ANXA2: variants seen among roughly 807,000 people sequenced by gnomAD.
ANXA2 encodes annexin A2.
ANXA2 carries 28 observed loss-of-function variants against 47.3 expected under a neutral mutation model. The ratio of observed to expected loss-of-function variants is 0.59; its 90% CI spans 0.44 to 0.81. ANXA2 has a LOEUF of 0.81. ANXA2 is among the 40% of genes least tolerant of loss of function. The pLI is 0.00. For synonymous variants in ANXA2, 172 were observed against 155.5 expected (o/e 1.11, Z -0.79); for missense variants, 384 against 414.3 (o/e 0.93, Z 0.64).
Position 60,352,655 on chromosome 15 carries a change from T to C in ANXA2, c.589-179A>G, listed in dbSNP as rs2062367449. Among the ~76,000 whole-genome samples, 1 of 152,184 alleles carries C rather than the reference T, an allele frequency of 6.6e-6. No individual in the cohort carries two copies. Among genetic ancestry groups the C allele is most frequent in the Admixed American group, 6.5e-5 (1 of 15,278 alleles). ...GGTCAAAAGTCTTAATCACAAGCAG[T>C]CTTCCTTAGGCACAGATGGATACCA... On this transcript the variant is annotated intron_variant, in intron 8 of 12. Transcript: ENST00000451270. This position sits in a 1 kb window ranked among gnomAD's most constrained non-coding sequence, Gnocchi z 4.2.
intron 3 of ANXA2, among the ~76,000 whole-genome samples, chr15:60,380,648 C>G (rs2062844517): frequency 6.6e-6 from 1 of 151,224 alleles, no homozygotes; most frequent in Non-Finnish European, 1.5e-5. Flanking sequence ...CTACTAAAAA[C>G]AGAAAATTAG....
At chr15:60,366,943 C>T (rs1595681484) in intron 3 of ANXA2, among the ~76,000 whole-genome samples, 1 of 56,784 alleles carries the variant, frequency 1.8e-5, no homozygotes, top group Admixed American at 2.0e-4. Context: ...ACCCCTCTGC[C>T]CGGCCAGCCG....
intron 3 of ANXA2, among the ~76,000 whole-genome samples, chr15:60,367,320 C>A (rs1197311430): frequency 3.2e-5 from 4 of 124,728 alleles, no homozygotes; most frequent in African/African-American, 1.2e-4. Context: ...GTGAGGGGCG[C>A]CTCTGCCCGG....
intron 10 of ANXA2, 140 bp downstream of exon 10, chr15:60,351,584 A>G (rs1425158135): frequency 3.0e-6 from 2 of 670,588 alleles, no homozygotes; most frequent in Non-Finnish European, 5.3e-6. Flanking sequence ...TCTGAAATCT[A>G]TACAATTAAG....
chr15:60,393,694 A>T, intron 1 of ANXA2: 1 of 985,238 alleles, frequency 1.0e-6, no homozygotes, highest in Non-Finnish European at 1.2e-6. Context: ...CCTTTCTCAC[A>T]CACCCCTCCT....
chr15:60,351,678 C>T (rs776498936), intron 10 of ANXA2, 46 bp downstream of exon 10: 9 of 1,268,560 alleles, frequency 7.1e-6, no homozygotes, highest in Non-Finnish European at 8.1e-6. Context: ...GTCACTTCTG[C>T]TCTGGTAGCT....
intron 3 of ANXA2, among the ~76,000 whole-genome samples, chr15:60,381,137 C>T (rs1412805514): frequency 1.3e-5 from 2 of 152,108 alleles, no homozygotes; most frequent in Non-Finnish European, 2.9e-5. Flanking sequence ...CAGGCATAAA[C>T]CAGGACGTCA....
At chr15:60,381,790 T>TA (rs1294679202) in intron 3 of ANXA2, among the ~76,000 whole-genome samples, 4 of 151,916 alleles carry the variant, frequency 2.6e-5, no homozygotes, top group African/African-American at 7.3e-5. Flanking sequence ...CAAATGTAAT[T>TA]AAATTAAAGG....
chr15:60,397,325 T>C (rs1338989813), intron 1 of ANXA2: 2 of 985,546 alleles, frequency 2.0e-6, no homozygotes, highest in African/African-American at 1.7e-5. Context: ...GAAGTTGCTA[T>C]GCTACAAGAT....
intron 4 of ANXA2, chr15:60,363,034 A>AC (rs1157636212): frequency 3.3e-5 from 1 of 30,556 alleles, no homozygotes; most frequent in African/African-American, 1.5e-4. Context: ...TGTCACAAAA[A>AC]AAAAAAAAAA....
chr15:60,397,558 G>C (rs1031564428), intron 1 of ANXA2, among the ~76,000 whole-genome samples: 1 of 152,124 alleles, frequency 6.6e-6, no homozygotes, highest in Admixed American at 6.5e-5. Context: ...CTGCGCCGGG[G>C]ACCTGCGGCT....
intron 5 of ANXA2, among the ~76,000 whole-genome samples, chr15:60,359,208 T>C (rs534846432): frequency 9.8e-5 from 15 of 152,316 alleles, no homozygotes; most frequent in South Asian, 4.1e-4. Flanking sequence ...GCACCTTCCA[T>C]TGGGCCCAAT....
intron 1 of ANXA2, chr15:60,393,370 G>A: frequency 1.0e-6 from 1 of 997,494 alleles, no homozygotes; most frequent in Non-Finnish European, 1.2e-6. Context: ...GGAAATCCAG[G>A]CCTTCAAGTC....
intron 8 of ANXA2, among the ~76,000 whole-genome samples, chr15:60,353,729 G>C (rs1471437008): frequency 6.6e-6 from 1 of 152,156 alleles, no homozygotes; most frequent in Non-Finnish European, 1.5e-5. Flanking sequence ...CCTGAGGTTA[G>C]GTCATAAAAG....
intron 1 of ANXA2, among the ~76,000 whole-genome samples, chr15:60,392,030 C>T (rs1010973194): frequency 6.6e-6 from 1 of 152,064 alleles, no homozygotes; most frequent in African/African-American, 2.4e-5. Context: ...TATCAGAGAA[C>T]GTTTTTCTGT....
At chr15:60,364,546 T>C (rs577954125) in intron 3 of ANXA2, 23 bp from the exon 4 acceptor site, 6 of 1,591,002 alleles carry the variant, frequency 3.8e-6, no homozygotes, top group Admixed American at 1.8e-5. Flanking sequence ...AAGTTGTTAA[T>C]CGTTACTCAG....
chr15:60,382,290 C>CA, intron 3 of ANXA2, 52 bp downstream of exon 3: 1 of 1,436,158 alleles, frequency 7.0e-7, no homozygotes, highest in Non-Finnish European at 9.8e-7. Context: ...AAGAGACAAC[C>CA]AAAAATGTCT....
At chr15:60,348,467 G>C (rs527888244) in intron 12 of ANXA2, among the ~76,000 whole-genome samples, 1 of 152,196 alleles carries the variant, frequency 6.6e-6, no homozygotes, top group Non-Finnish European at 1.5e-5. Flanking sequence ...AAATGTGGCC[G>C]GGCGCAGTGG....
Position 60,388,682 on chromosome 15 carries a change from G to A in ANXA2, c.-11-2596C>T, listed in dbSNP as rs191189677. Among the ~76,000 whole-genome samples the A allele has an allele frequency of 2.9e-3, 413 of 143,722 alleles. 1 individual carries two copies. Among genetic ancestry groups the A allele is most frequent in the Non-Finnish European group, 4.3e-3 (287 of 66,264 alleles). 94.3% of individuals were successfully genotyped at this position (143,722 alleles called of 152,430 possible). A position where few individuals can be genotyped will look rare whatever the true frequency, so the allele number is the denominator to read the frequency against. On this transcript the variant is annotated intron_variant, in intron 1 of 12. Coordinates refer to ENST00000451270, the MANE Select transcript of ANXA2 (RefSeq NM_004039.3). The stretch of plus-strand genomic sequence containing the variant: ...ATTCCTGGGCTCAAGCAATCCCTCC[G>A]CCTTAGCCTACCAAAGCACTGAGAT...
Sources: allele counts gnomAD v4.1 joint callset (sites outside exome capture counted in the v4.1 genomes callset), GRCh38; gene constraint gnomAD v4.1.1; non-coding constraint Gnocchi (gnomAD v3.1); transcripts MANE v1.5; gene names NCBI Gene and HGNC (gene_info 2026-07-23, HGNC 2026-07-21).